FGFRL1: variants seen among roughly 807,000 people sequenced by gnomAD.
FGFRL1 encodes fibroblast growth factor receptor-like 1.
Under a neutral mutation model 36.8 loss-of-function variants are expected in FGFRL1, and 24 were observed. The observed-to-expected ratio is 0.65, with a 90% CI of 0.47 to 0.92. The LOEUF (loss-of-function observed/expected upper bound fraction) is 0.92. FGFRL1 is among the 40% of genes least tolerant of loss of function. The pLI is 0.00. For missense variants in FGFRL1, 785 were observed against 753.4 expected, an observed-to-expected ratio of 1.04 and a Z score of -0.49; for synonymous variants, 422 against 344.1, an observed-to-expected ratio of 1.23 and a Z score of -2.50.
chr4:1,022,128 G>A (rs1401264370), intron 2 of FGFRL1, 75 bp from the exon 3 acceptor site: 1 of 1,182,174 alleles, frequency 8.5e-7, no homozygotes, highest in African/African-American at 1.6e-5. Flanking sequence ...TGGGCCGTGG[G>A]TCCCCTTTTG....
In FGFRL1 at chr4:1,022,410, T is replaced by C. The variant is rs142763226; in HGVS notation, c.287T>C (p.Val96Ala). 3 of 1,611,770 alleles carry C rather than the reference T, an allele frequency of 1.9e-6. No homozygotes were observed. In the African/African-American group the frequency reaches 4.0e-5, roughly 22 times the overall value. Residue 96 changes from valine to alanine, a missense_variant, in exon 3 of 7, where the codon GTG (valine) becomes GCG (alanine). Physicochemically the swap from Val to Ala is moderately conservative, Grantham distance 64. Coordinates refer to ENST00000510644, the MANE Select transcript of FGFRL1 (RefSeq NM_001004356.3). Reference protein sequence around the residue: ...VKQVEREDAGVYVCKATNGFG... With the variant: ...VKQVEREDAGAYVCKATNGFG... Reference sequence around the variant, plus strand: ...CAGGTGGAGCGGGAGGATGCCGGCGTGTACGTGTGCAAGGCCACCAACGGC... The same window carrying C: ...CAGGTGGAGCGGGAGGATGCCGGCGCGTACGTGTGCAAGGCCACCAACGGC...
Position 1,024,477 on chromosome 4 carries a change from C to G in FGFRL1, c.885C>G (p.Thr295=), listed in dbSNP as rs1716389557. 6.2e-7 allele frequency: 1 copy of G among 1,612,416 alleles called. No homozygotes were observed. The highest frequency in any genetic ancestry group is 1.3e-5 in the African/African-American group (1 of 74,914). Residue 295 remains threonine, a synonymous_variant, in exon 6 of 7, where the codon ACC becomes ACG. Coordinates refer to ENST00000510644, the MANE Select transcript of FGFRL1 (RefSeq NM_001004356.3). Reference sequence around the variant, plus strand: ...GCGCCGAGGGCCGCCACAACTCCACCATCGATGTGGGCGGCCAGAAGTTTG... The same window carrying G: ...GCGCCGAGGGCCGCCACAACTCCACGATCGATGTGGGCGGCCAGAAGTTTG... The part of the protein sequence containing the change: ...EYGAEGRHNS[T]IDVGGQKFVV...
chr4:1,012,772 G>A (rs1362261343), intron 2 of FGFRL1, among the ~76,000 whole-genome samples: 1 of 152,260 alleles, frequency 6.6e-6, no homozygotes, highest in Non-Finnish European at 1.5e-5. Flanking sequence ...GGCTGGAGGG[G>A]TTCCCCTCAT....
Position 1,023,871 on chromosome 4 carries a change from C to T in FGFRL1, c.488C>T (p.Pro163Leu). The T allele has an allele frequency of 1.9e-6, 3 of 1,580,704 alleles. No homozygotes were observed. Among genetic ancestry groups the T allele is most frequent in the Middle Eastern group, 1.7e-4 (1 of 6,022 alleles). The change falls in exon 5 of 7, where the codon CCC becomes CTC. Residue 163 changes from proline (P) to leucine (L), a missense_variant. Transcript: ENST00000510644. This position sits in a 1 kb window ranked among gnomAD's most constrained non-coding sequence, Gnocchi z 6.0. ...SKMRRRVIARPVGSSVRLKCV... is the reference protein window; with the variant it reads ...SKMRRRVIARLVGSSVRLKCV... ...ATGAGGCGCCGGGTGATCGCACGGC[C>T]CGTGGGTAGCTCCGTGCGGCTCAAG...
chr4:1,011,401 CG>C (rs1395844692), upstream of FGFRL1: 2 of 8,606 alleles, frequency 2.3e-4, no homozygotes, highest in African/African-American at 8.2e-4. Context: ...TGGGGCGGGG[CG>C]GGGGCGGGGG....
In FGFRL1 at chr4:1,024,390, C is replaced by A. The variant is rs909385227; in HGVS notation, c.798C>A (p.Phe266Leu). 1.2e-6 allele frequency: 2 copies of A among 1,612,622 alleles called. No homozygotes were observed. The highest frequency in any genetic ancestry group is 1.7e-5 in the Admixed American group (1 of 60,018). The stretch of plus-strand genomic sequence containing the variant: ...TGGACTTCGGGGGGACCACGTCCTT[C>A]CAGTGCAAGGTGCGCAGCGACGTGA... Reference protein sequence around the residue: ...TTVDFGGTTSFQCKVRSDVKP... With the variant: ...TTVDFGGTTSLQCKVRSDVKP... The change falls in exon 6 of 7, where the codon TTC becomes TTA. Residue 266 changes from phenylalanine to leucine, a missense_variant. Physicochemically the swap from Phe to Leu is conservative, Grantham distance 22. Transcript: ENST00000510644.
At chr4:1,010,537 G>A (rs1715530676), upstream of FGFRL1, among the ~76,000 whole-genome samples, 1 of 152,378 alleles carries the variant, frequency 6.6e-6, no homozygotes, top group South Asian at 2.1e-4. Flanking sequence ...CCTTTCCTGG[G>A]AGGACTTCCT....
chr4:1,024,403 C>T lies in FGFRL1; in HGVS notation c.811C>T (p.Arg271Cys), dbSNP rs765429291. Residue 271 changes from arginine to cysteine, a missense_variant, in exon 6 of 7, where the codon CGC becomes TGC. Transcript: ENST00000510644. ...GGTTSFQCKVRSDVKPVIQWL... is the reference protein window; with the variant it reads ...GGTTSFQCKVCSDVKPVIQWL... ...GACCACGTCCTTCCAGTGCAAGGTG[C>T]GCAGCGACGTGAAGCCGGTGATCCA... 39 of 1,612,466 alleles carry T rather than the reference C, an allele frequency of 2.4e-5. No homozygotes were observed. The highest frequency in any genetic ancestry group is 3.2e-5 in the Non-Finnish European group (38 of 1,179,866).
chr4:1,024,390 C>G lies in FGFRL1; in HGVS notation c.798C>G (p.Phe266Leu). ...TTVDFGGTTSFQCKVRSDVKP... is the reference protein window; with the variant it reads ...TTVDFGGTTSLQCKVRSDVKP... Reference sequence around the variant, plus strand: ...TGGACTTCGGGGGGACCACGTCCTTCCAGTGCAAGGTGCGCAGCGACGTGA... The same window carrying G: ...TGGACTTCGGGGGGACCACGTCCTTGCAGTGCAAGGTGCGCAGCGACGTGA... The change falls in exon 6 of 7, where the codon TTC becomes TTG. Residue 266 changes from phenylalanine (F) to leucine (L), a missense_variant. By Grantham distance (22) the Phe-to-Leu change is conservative. Coordinates refer to ENST00000510644, the MANE Select transcript of FGFRL1 (RefSeq NM_001004356.3). 2 of 1,612,622 alleles carry G rather than the reference C, an allele frequency of 1.2e-6. No homozygotes were observed. The highest frequency in any genetic ancestry group is 1.7e-6 in the Non-Finnish European group (2 of 1,179,856).
intron 2 of FGFRL1, among the ~76,000 whole-genome samples, chr4:1,014,400 T>G (rs1354670111): frequency 6.6e-6 from 1 of 152,236 alleles, no homozygotes. Flanking sequence ...GGAAGTCGTT[T>G]CAGGGCTTTC....
chr4:1,023,356 G>A lies in FGFRL1; in HGVS notation c.353-285G>A, dbSNP rs1478420957. On this transcript the variant is annotated intron_variant, in intron 3 of 6. Coordinates refer to ENST00000510644, the MANE Select transcript of FGFRL1 (RefSeq NM_001004356.3). This position sits in a 1 kb window ranked among gnomAD's most constrained non-coding sequence, Gnocchi z 6.0. The stretch of plus-strand genomic sequence containing the variant: ...GTTACTGCAGCTGCTGGCCGGGCCC[G>A]GCTCCCTCCTCCCCCGGGGCCTGCA... 2.0e-5 allele frequency among the ~76,000 whole-genome samples: 3 copies of A among 151,978 alleles called. No individual in the cohort carries two copies. The highest frequency in any genetic ancestry group is 4.4e-5 in the Non-Finnish European group (3 of 67,930).
chr4:1,012,020 C>CG (rs986572152), intron 1 of FGFRL1, 66 bp downstream of exon 1: 4 of 144,962 alleles, frequency 2.8e-5, no homozygotes, highest in African/African-American at 5.0e-5. Flanking sequence ...GGGTCCGGGG[C>CG]GGGGGCGGGG....
intron 2 of FGFRL1, among the ~76,000 whole-genome samples, chr4:1,016,765 C>T (rs542629959): frequency 7.2e-5 from 11 of 152,188 alleles, no homozygotes; most frequent in South Asian, 2.1e-4. Flanking sequence ...CTGAGCGTCC[C>T]GGGGCTGGGG....
At chr4:1,013,062 C>T (rs554851137) in intron 2 of FGFRL1, among the ~76,000 whole-genome samples, 4 of 152,332 alleles carry the variant, frequency 2.6e-5, no homozygotes, top group Admixed American at 1.3e-4. Context: ...CCGACCTAGC[C>T]GTGTGCCCTG....
intron 3 of FGFRL1, among the ~76,000 whole-genome samples, chr4:1,022,789 G>C (rs544687271): frequency 1.3e-5 from 2 of 152,212 alleles, no homozygotes; most frequent in Non-Finnish European, 2.9e-5. Context: ...AGGGTGTGCC[G>C]GCCGTCGGCT....
At position 1,022,216 on chromosome 4, in the gene FGFRL1, G is replaced by A. The variant is rs765191650; in HGVS notation, c.93G>A (p.Met31Ile). 10 of 1,534,548 alleles carry A rather than the reference G, an allele frequency of 6.5e-6. No individual in the cohort carries two copies. The South Asian group carries it at 1.2e-4, about 19-fold the overall frequency. The change falls in exon 3 of 7, where the codon ATG becomes ATA. Residue 31 changes from methionine to isoleucine, a missense_variant. Coordinates refer to ENST00000510644, the MANE Select transcript of FGFRL1 (RefSeq NM_001004356.3). ...PAAAARGPPK[M>I]ADKVVPRQVA... ...TCCCACCCGCAGGCCCCCCAAAGAT[G>A]GCGGACAAGGTGGTCCCACGGCAGG...
In FGFRL1 at chr4:1,011,757, ACCCCGCG is replaced by A. The variant is rs1297969312; in HGVS notation, c.-208_-202del. On this transcript the variant is annotated 5_prime_UTR_variant, in exon 1 of 7. Coordinates refer to ENST00000510644, the MANE Select transcript of FGFRL1 (RefSeq NM_001004356.3). The stretch of plus-strand genomic sequence containing the variant: ...GCCCCCGCCGCCTGCCCGGTCCGGG[ACCCCGCG>A]CCCCGAGCGCCCGAGCCCGGACCCC... The A allele has an allele frequency of 8.5e-6, 1 of 117,600 alleles. No homozygotes were observed. The highest frequency in any genetic ancestry group is 1.8e-5 in the Non-Finnish European group (1 of 56,034). The allele number at this position is 117,600 out of a possible 1,614,324, so 7.3% of individuals were successfully genotyped here. A position where few individuals can be genotyped will look rare whatever the true frequency, so the allele number is the denominator to read the frequency against.
rs1326741975 is a variant in FGFRL1 at position 1,023,782 on chromosome 4, C to T, written c.434-35C>T. ...CTGTCCCGGCCCCTTGGCTGCATCC[C>T]CGTCCTCTGACCTCCACGCCACCCC... is the stretch of plus-strand genomic sequence containing the variant. On this transcript the variant is annotated intron_variant, in intron 4 of 6. Transcript: ENST00000510644. This position sits in a 1 kb window ranked among gnomAD's most constrained non-coding sequence, Gnocchi z 6.0. The T allele has an allele frequency of 6.4e-7, 1 of 1,560,774 alleles. No homozygotes were observed. The highest frequency in any genetic ancestry group is 2.3e-5 in the East Asian group (1 of 42,806).
intron 5 of FGFRL1, 70 bp from the exon 6 acceptor site, chr4:1,024,241 G>A: frequency 6.7e-7 from 1 of 1,486,958 alleles, no homozygotes. Flanking sequence ...GGTGCTGGTG[G>A]GCCCAGGGTG....
Sources: gnomAD v4.1 joint callset for allele counts (sites outside exome capture counted in the v4.1 genomes callset) on GRCh38, gnomAD v4.1.1 for gene constraint, Gnocchi (gnomAD v3.1) non-coding constraint, MANE v1.5 for transcripts, NCBI Gene and HGNC (gene_info 2026-07-23, HGNC 2026-07-21) for gene names.